The following SPMAP2L variants were observed in gnomAD, a reference collection of about 807,000 sequenced individuals.
SPMAP2L encodes the protein sperm microtubule associated protein 2 like.
the SPMAP2L span, among the ~76,000 whole-genome samples, chr4:56,539,979 C>G: frequency 6.6e-6 from 1 of 152,206 alleles, no homozygotes; most frequent in African/African-American, 2.4e-5. Flanking sequence ...TTATCCTTCT[C>G]TATTCCAAAG....
chr4:56,604,495 TA>T, the SPMAP2L span, among the ~76,000 whole-genome samples: 1 of 151,766 alleles, frequency 6.6e-6, no homozygotes, highest in Admixed American at 6.6e-5. Flanking sequence ...CCGTCTCTAC[TA>T]AAAATACAAA....
chr4:56,580,642 AT>A, the SPMAP2L span, among the ~76,000 whole-genome samples: 2 of 151,318 alleles, frequency 1.3e-5, no homozygotes, highest in African/African-American at 4.9e-5. Flanking sequence ...ATGAAAAAAA[AT>A]AAAAAATAAA....
the SPMAP2L span, among the ~76,000 whole-genome samples, chr4:56,569,082 T>C: frequency 2.0e-5 from 3 of 152,248 alleles, no homozygotes; most frequent in South Asian, 4.1e-4. Context: ...GGCCTCTTTT[T>C]ACATTTTGGC....
At chr4:56,605,278 A>T in the SPMAP2L span, among the ~76,000 whole-genome samples, 6 of 152,204 alleles carry the variant, frequency 3.9e-5, no homozygotes, top group Admixed American at 3.9e-4. Flanking sequence ...TTGCTTTGCC[A>T]GGCCCTGTGC....
At chr4:56,563,495 G>C in the SPMAP2L span, among the ~76,000 whole-genome samples, 1 of 151,838 alleles carries the variant, frequency 6.6e-6, no homozygotes, top group East Asian at 1.9e-4. Flanking sequence ...GCTCTCTGAG[G>C]AAAGACTGTT....
the SPMAP2L span, among the ~76,000 whole-genome samples, chr4:56,600,364 G>A: frequency 2.0e-5 from 3 of 151,970 alleles, no homozygotes; most frequent in African/African-American, 7.3e-5. Context: ...TGTGATCTTG[G>A]CTCACTGCAA....
chr4:56,540,205 T>A, the SPMAP2L span, among the ~76,000 whole-genome samples: 2 of 152,204 alleles, frequency 1.3e-5, no homozygotes, highest in Non-Finnish European at 2.9e-5. Context: ...AATGTGAGAC[T>A]TGGCATGTTG....
the SPMAP2L span, among the ~76,000 whole-genome samples, chr4:56,565,517 G>A: frequency 6.6e-6 from 1 of 152,098 alleles, no homozygotes; most frequent in Non-Finnish European, 1.5e-5. Flanking sequence ...ACAACACATA[G>A]TTTATTCATC....
the SPMAP2L span, among the ~76,000 whole-genome samples, chr4:56,620,255 A>G: frequency 6.6e-6 from 1 of 152,254 alleles, no homozygotes; most frequent in African/African-American, 2.4e-5. Flanking sequence ...ACTGTTGTCC[A>G]GCTCCTTGGG....
At chr4:56,621,735 T>A in the SPMAP2L span, among the ~76,000 whole-genome samples, 1 of 152,240 alleles carries the variant, frequency 6.6e-6, no homozygotes, top group African/African-American at 2.4e-5. Context: ...AGATATACAA[T>A]GTAAATGTGT....
chr4:56,594,924 T>C, the SPMAP2L span: 2 of 1,612,054 alleles, frequency 1.2e-6, no homozygotes, highest in South Asian at 1.1e-5. Context: ...CACAAGACCT[T>C]CTGCATTCCC....
chr4:56,530,655 G>T, the SPMAP2L span: 2 of 1,528,100 alleles, frequency 1.3e-6, no homozygotes, highest in Non-Finnish European at 1.8e-6. Flanking sequence ...AGTCCCGCGC[G>T]CGACAGAAGC....
At chr4:56,581,578 C>G in the SPMAP2L span, among the ~76,000 whole-genome samples, 1 of 151,410 alleles carries the variant, frequency 6.6e-6, no homozygotes, top group East Asian at 1.9e-4. Flanking sequence ...TGTGATGGTG[C>G]CACTGCACTC....
chr4:56,592,255 C>T, the SPMAP2L span, among the ~76,000 whole-genome samples: 1 of 152,134 alleles, frequency 6.6e-6, no homozygotes, highest in Admixed American at 6.5e-5. Flanking sequence ...CCAACACTGC[C>T]CATGGAAAAA....
chr4:56,533,431 C>T, the SPMAP2L span, among the ~76,000 whole-genome samples: 1 of 152,130 alleles, frequency 6.6e-6, no homozygotes, highest in Non-Finnish European at 1.5e-5. Flanking sequence ...ATCTTTCCAC[C>T]ATGAAATCTA....
chr4:56,586,931 G>C, the SPMAP2L span, among the ~76,000 whole-genome samples: 1 of 152,210 alleles, frequency 6.6e-6, no homozygotes, highest in South Asian at 2.1e-4. Flanking sequence ...CACACCCAAT[G>C]ATGTAAGCTT....
chr4:56,609,782 G>A, the SPMAP2L span, among the ~76,000 whole-genome samples: 30 of 152,268 alleles, frequency 2.0e-4, no homozygotes, highest in African/African-American at 7.2e-4. Context: ...CAGCAAGAAG[G>A]TGCCATCTTG....
the SPMAP2L span, chr4:56,594,370 C>G: frequency 6.4e-7 from 1 of 1,565,048 alleles, no homozygotes; most frequent in Middle Eastern, 1.7e-4. Flanking sequence ...TCGCACCTAT[C>G]ACATGGAAAG....
the SPMAP2L span, among the ~76,000 whole-genome samples, chr4:56,553,227 G>C: frequency 1.2e-5 from 1 of 80,106 alleles, no homozygotes; most frequent in Non-Finnish European, 2.2e-5. Flanking sequence ...GTTTCACTCT[G>C]TTTCTCAGGC....
Sources: gnomAD v4.1 joint callset for allele counts (sites outside exome capture counted in the v4.1 genomes callset) on GRCh38, gnomAD v4.1.1 for gene constraint, MANE v1.5 for transcripts, NCBI Gene and HGNC (gene_info 2026-07-23, HGNC 2026-07-21) for gene names.